Variants in OSGIN1 observed in about 807,000 individuals in gnomAD.
The protein encoded by OSGIN1 is oxidative stress induced growth inhibitor 1.
OSGIN1 carries 19 observed loss-of-function variants against 20.1 expected under a neutral mutation model. The observed-to-expected ratio is 0.95, with a 90% confidence interval of 0.66 to 1.39. The LOEUF is 1.39. Ranked by LOEUF, OSGIN1 falls within the 40% of genes most tolerant of loss-of-function variation. OSGIN1 has a pLI of 0.00. For missense variants in OSGIN1, 820 were observed against 653.0 expected (o/e 1.26, Z -2.79); for synonymous variants, 368 against 297.8 (o/e 1.24, Z -2.43).
chr16:83,966,005 T>G lies in OSGIN1; in HGVS notation c.1432T>G (p.Ter478GluextTer16). The change falls in exon 6 of 6, where the codon TAA becomes GAA. Residue 478 changes from the stop codon to glutamate (E), a stop_lost. Transcript: ENST00000393306. ...AAGGAAGGAGACCAGGAAGCCACCC[T>G]AACACTCGGCCAGACCCGCTGGCTC... is the stretch of plus-strand genomic sequence containing the variant. ...LLRKETRKPP[*>E] is the part of the protein sequence containing the mutation. 6.4e-7 allele frequency: 1 copy of G among 1,555,432 alleles called. No homozygotes were observed. Among genetic ancestry groups the G allele is most frequent in the Non-Finnish European group, 8.7e-7 (1 of 1,151,904 alleles).
chr16:83,961,125 C>G (rs2084206553), intron 5 of OSGIN1, 53 bp downstream of exon 5: 2 of 1,392,278 alleles, frequency 1.4e-6, no homozygotes, highest in Non-Finnish European at 2.0e-6. Flanking sequence ...GCCTGTGAAC[C>G]CAGAAAATCT....
intron 5 of OSGIN1, among the ~76,000 whole-genome samples, chr16:83,963,834 G>T (rs2084244384): frequency 6.7e-6 from 1 of 148,952 alleles, no homozygotes; most frequent in South Asian, 2.1e-4. Context: ...GTGCTAGAAT[G>T]ATGCAAAGCC....
Position 83,953,453 on chromosome 16 carries a change from C to T in OSGIN1, c.-33+83C>T. ...GGCAAGCCCAGCTGGACCGGAGGGTCTGCAGAGCCCTGGCGCCAGGCGGGG... is the reference window on the plus strand; with the variant it reads ...GGCAAGCCCAGCTGGACCGGAGGGTTTGCAGAGCCCTGGCGCCAGGCGGGG... On this transcript the variant is annotated intron_variant, in intron 1 of 5. Transcript: ENST00000393306. 5.0e-6 allele frequency: 6 copies of T among 1,203,148 alleles called. No homozygotes were observed. The South Asian group carries it at 6.7e-5, about 13-fold the overall frequency. 74.5% of individuals were successfully genotyped at this position (1,203,148 alleles called of 1,614,324 possible).
chr16:83,965,829 CG>C lies in OSGIN1; in HGVS notation c.1257del (p.Leu420Ter). On this transcript the variant is annotated frameshift_variant, in exon 6 of 6. Transcript: ENST00000393306. LOFTEE classifies it low-confidence loss of function (END_TRUNC). ...GACTTTGCAGTGGATCCTGACCAGCCGCTGAGCGCCAAGAGGAACCCCATTG... is the reference window on the plus strand; with the variant it reads ...GACTTTGCAGTGGATCCTGACCAGCCCTGAGCGCCAAGAGGAACCCCATTG... Reference protein sequence around the residue: ...GADFAVDPDQPLSAKRNPIDV... With the variant: ...GADFAVDPDQXLSAKRNPIDV... The C allele has an allele frequency of 6.2e-7, 1 of 1,613,052 alleles. No homozygotes were observed.
At chr16:83,960,526 C>G (rs74032332) in intron 3 of OSGIN1, 43 bp from the exon 4 acceptor site, 9 of 1,531,936 alleles carry the variant, frequency 5.9e-6, no homozygotes, top group East Asian at 2.3e-5. Context: ...GAAGACGACC[C>G]CGCCCTCCTC....
intron 1 of OSGIN1, chr16:83,954,059 G>T (rs1429469528): frequency 6.6e-5 from 10 of 152,384 alleles, no homozygotes; most frequent in African/African-American, 1.7e-4. Flanking sequence ...TTTACTGGAG[G>T]GGACTTGGCA....
intron 2 of OSGIN1, 28 bp from the exon 3 acceptor site, chr16:83,959,232 C>G (rs770746592): frequency 6.2e-7 from 1 of 1,603,854 alleles, no homozygotes; most frequent in Non-Finnish European, 8.5e-7. Context: ...AAAGGCCACC[C>G]CCTTTAACCT....
rs759198164 is a variant in OSGIN1 at position 83,965,371 on chromosome 16, C to T, written c.798C>T (p.His266=). 1.3e-6 allele frequency: 2 copies of T among 1,573,402 alleles called. No individual in the cohort carries two copies. Among genetic ancestry groups the T allele is most frequent in the Non-Finnish European group, 8.6e-7 (1 of 1,162,528 alleles). ...CCGGGGAGGCCCTGCCCTTCATCCA[C>T]CATGAGCTGTCTGCCCTGGAGGCCG... The part of the protein sequence containing the change: ...GIPGEALPFI[H]HELSALEAAT... The change falls in exon 6 of 6, where the codon CAC becomes CAT. Residue 266 remains histidine, a synonymous_variant. Coordinates refer to ENST00000393306, the MANE Select transcript of OSGIN1 (RefSeq NM_182981.3).
rs534737637 is a variant in OSGIN1, at chr16:83,960,560, C to T, written c.205-9C>T. ...TCCAGCAGCCCCTCTGACCTATGCCCCCCTCCAGGACCTGGACTACCTGTC... is the reference window on the plus strand; with the variant it reads ...TCCAGCAGCCCCTCTGACCTATGCCTCCCTCCAGGACCTGGACTACCTGTC... On this transcript the variant is annotated splice_polypyrimidine_tract_variant and intron_variant, in intron 3 of 5. Transcript: ENST00000393306. The T allele has an allele frequency of 7.8e-5, 125 of 1,611,446 alleles. No homozygotes were observed. In the African/African-American group the frequency reaches 1.3e-3, roughly 16 times the overall value.
Position 83,955,410 on chromosome 16 carries a change from G to A in OSGIN1, c.-33+2040G>A, listed in dbSNP as rs568394867. 3.6e-4 allele frequency among the ~76,000 whole-genome samples: 55 copies of A among 152,264 alleles called. No individual in the cohort carries two copies. In the South Asian group the frequency reaches 8.1e-3, roughly 22 times the overall value. On this transcript the variant is annotated intron_variant, in intron 1 of 5. Transcript: ENST00000393306. ...GGAACGGACACTGCACGTTCCACCCGGCAGAGGGGTCTCAGCAGGACCTCT... is the reference window on the plus strand; with the variant it reads ...GGAACGGACACTGCACGTTCCACCCAGCAGAGGGGTCTCAGCAGGACCTCT...
intron 5 of OSGIN1, among the ~76,000 whole-genome samples, chr16:83,962,163 T>A (rs1488747913): frequency 6.6e-6 from 1 of 152,122 alleles, no homozygotes; most frequent in Non-Finnish European, 1.5e-5. Context: ...TGCCCCATCA[T>A]GGCCACCCTA....
In OSGIN1 at chr16:83,965,765, TC is replaced by T; in HGVS notation, c.1195del (p.His399ThrfsTer22). The T allele has an allele frequency of 1.2e-6, 2 of 1,612,746 alleles. No homozygotes were observed. The highest frequency in any genetic ancestry group is 1.7e-6 in the Non-Finnish European group (2 of 1,179,778). On this transcript the variant is annotated frameshift_variant, in exon 6 of 6. Coordinates refer to ENST00000393306, the MANE Select transcript of OSGIN1 (RefSeq NM_182981.3). LOFTEE classifies it low-confidence loss of function (END_TRUNC). The stretch of plus-strand genomic sequence containing the variant: ...CTCCCTGGTGCTGGTCCTCATCGGC[TC>T]CCACCCCGACCTCTCCTTCCTGCCT... ...GVSLVLVLIG[S>X]HPDLSFLPGA...
At chr16:83,962,431 C>T (rs1315331626) in intron 5 of OSGIN1, among the ~76,000 whole-genome samples, 3 of 152,116 alleles carry the variant, frequency 2.0e-5, no homozygotes, top group Admixed American at 6.6e-5. Context: ...TTAGTAGAGA[C>T]GGGGTTTCAC....
chr16:83,956,806 C>T (rs774858591), intron 1 of OSGIN1, among the ~76,000 whole-genome samples: 2 of 152,214 alleles, frequency 1.3e-5, no homozygotes, highest in Non-Finnish European at 1.5e-5. Flanking sequence ...ATGTGGCCCT[C>T]GGGTGAGGCT....
Position 83,965,799 on chromosome 16 carries a change from G to A in OSGIN1, c.1226G>A (p.Gly409Glu), listed in dbSNP as rs778942654. The change falls in exon 6 of 6, where the codon GGG becomes GAG. Residue 409 changes from glycine to glutamate, a missense_variant. Transcript: ENST00000393306. Reference sequence around the variant, plus strand: ...GACCTCTCCTTCCTGCCTGGGGCAGGGGCTGACTTTGCAGTGGATCCTGAC... The same window carrying A: ...GACCTCTCCTTCCTGCCTGGGGCAGAGGCTGACTTTGCAGTGGATCCTGAC... ...HPDLSFLPGA[G>E]ADFAVDPDQP... 6.2e-7 allele frequency: 1 copy of A among 1,613,098 alleles called. No homozygotes were observed. Among genetic ancestry groups the A allele is most frequent in the Non-Finnish European group, 8.5e-7 (1 of 1,179,984 alleles).
At chr16:83,962,521 G>A (rs1311796097) in intron 5 of OSGIN1, among the ~76,000 whole-genome samples, 5 of 152,214 alleles carry the variant, frequency 3.3e-5, no homozygotes, top group Non-Finnish European at 7.3e-5. Flanking sequence ...GATTACAGGC[G>A]TGAGCCACCA....
chr16:83,962,752 C>A (rs149012271), intron 5 of OSGIN1, among the ~76,000 whole-genome samples: 221 of 151,948 alleles, frequency 1.5e-3, no homozygotes, highest in Non-Finnish European at 2.6e-3. Flanking sequence ...AGGTCTCAGA[C>A]AGGTGAGAGA....
intron 5 of OSGIN1, among the ~76,000 whole-genome samples, chr16:83,962,279 C>T (rs940768994): frequency 5.9e-5 from 9 of 152,322 alleles, no homozygotes; most frequent in African/African-American, 2.2e-4. Context: ...CCCTCTGTCG[C>T]CCAGGCTGGA....
chr16:83,954,796 G>A, intron 1 of OSGIN1: 1 of 972,560 alleles, frequency 1.0e-6, no homozygotes, highest in Non-Finnish European at 1.2e-6. Context: ...GGGTGGGAAG[G>A]GGCAGCCAGT....
Sources: gnomAD v4.1 joint callset for allele counts (sites outside exome capture counted in the v4.1 genomes callset) on GRCh38, gnomAD v4.1.1 for gene constraint, MANE v1.5 for transcripts, NCBI Gene and HGNC (gene_info 2026-07-23, HGNC 2026-07-21) for gene names.